Variants in PLCB1 observed in about 807,000 individuals in gnomAD.
PLCB1 encodes the protein phospholipase C beta 1, also known as 1-phosphatidylinositol 4,5-bisphosphate phosphodiesterase beta-1.
PLCB1 carries 46 observed loss-of-function variants against 161.8 expected under a neutral mutation model. The observed-to-expected ratio is 0.28, with a 90% CI of 0.22 to 0.36. The LOEUF (loss-of-function observed/expected upper bound fraction) is 0.36, where lower values mean the gene tolerates loss of function less well. Among genes scored for constraint, PLCB1 ranks in the 10% least tolerant of loss-of-function variants. PLCB1 has a pLI of 1.00. For missense variants in PLCB1, 1,016 were observed against 1,472.5 expected, an observed-to-expected ratio of 0.69 and a Z score of 5.07; for synonymous variants, 517 against 503.7, an observed-to-expected ratio of 1.03 and a Z score of -0.35.
chr20:8,836,848 C>T (rs1446729533), intron 31 of PLCB1, among the ~76,000 whole-genome samples: 1 of 152,128 alleles, frequency 6.6e-6, no homozygotes, highest in Non-Finnish European at 1.5e-5. Flanking sequence ...GATCTCAAAG[C>T]TGCTATGTCT....
intron 3 of PLCB1, among the ~76,000 whole-genome samples, chr20:8,451,810 C>T (rs985235645): frequency 4.0e-5 from 6 of 151,828 alleles, no homozygotes; most frequent in Non-Finnish European, 8.8e-5. Flanking sequence ...ATTCCTTCCT[C>T]CCTTCTTTCT....
At chr20:8,830,558 A>G (rs1452427389) in intron 31 of PLCB1, among the ~76,000 whole-genome samples, 1 of 152,236 alleles carries the variant, frequency 6.6e-6, no homozygotes, top group Middle Eastern at 3.2e-3. Context: ...TTGGTAGAAA[A>G]AGAATATTCC....
At chr20:8,613,546 A>T (rs528699801) in intron 3 of PLCB1, among the ~76,000 whole-genome samples, 130 of 152,334 alleles carry the variant, frequency 8.5e-4, no homozygotes, top group African/African-American at 3.0e-3. Flanking sequence ...CTTTCAATCC[A>T]TGTCATAAGA....
At chr20:8,864,499 A>G (rs1987359964) in intron 31 of PLCB1, among the ~76,000 whole-genome samples, 1 of 152,186 alleles carries the variant, frequency 6.6e-6, no homozygotes, top group South Asian at 2.1e-4. Flanking sequence ...AGCACCTGTC[A>G]CAGTGCTAGG....
chr20:8,250,123 C>T (rs776739716), intron 2 of PLCB1, among the ~76,000 whole-genome samples: 21 of 151,952 alleles, frequency 1.4e-4, no homozygotes, highest in Non-Finnish European at 1.3e-4. Context: ...ATCAAACACA[C>T]GAGGAGTTAT....
At chr20:8,649,344 C>G in intron 6 of PLCB1, 30 bp from the exon 7 acceptor site, 1 of 1,554,804 alleles carries the variant, frequency 6.4e-7, no homozygotes, top group Non-Finnish European at 8.9e-7. Flanking sequence ...GCCATTTAAA[C>G]CTCTCTCCTT....
chr20:8,349,837 A>G (rs1031672571), intron 2 of PLCB1, among the ~76,000 whole-genome samples: 3 of 152,172 alleles, frequency 2.0e-5, no homozygotes, highest in Non-Finnish European at 4.4e-5. Context: ...CTGTGGAAAA[A>G]GTACTGAATG....
intron 31 of PLCB1, among the ~76,000 whole-genome samples, chr20:8,843,338 T>A (rs2146292720): frequency 6.6e-6 from 1 of 152,200 alleles, no homozygotes; most frequent in East Asian, 1.9e-4. Flanking sequence ...TGTAAAGTAG[T>A]AACTATTTCA....
intron 1 of PLCB1, among the ~76,000 whole-genome samples, chr20:8,137,843 A>C (rs1568566141): frequency 6.6e-6 from 1 of 152,182 alleles, no homozygotes; most frequent in African/African-American, 2.4e-5. Context: ...AGCTATTTTT[A>C]CTTTGAATGA....
rs1160810208 is a variant in PLCB1 at position 8,136,235 on chromosome 20, T to C, written c.99+3485T>C. 2.0e-5 allele frequency among the ~76,000 whole-genome samples: 3 copies of C among 152,250 alleles called. No individual in the cohort carries two copies. The East Asian group carries it at 5.8e-4, about 29-fold the overall frequency. On this transcript the variant is annotated intron_variant, in intron 1 of 31. Coordinates refer to ENST00000338037, the MANE Select transcript of PLCB1 (RefSeq NM_015192.4). ...GTAACATGCAAATTGTAATATTTCCTAACTCAGAACAGCTGTTGAGGTTAA... is the reference window on the plus strand; with the variant it reads ...GTAACATGCAAATTGTAATATTTCCCAACTCAGAACAGCTGTTGAGGTTAA...
chr20:8,467,831 T>C (rs911725417), intron 3 of PLCB1, among the ~76,000 whole-genome samples: 1 of 152,196 alleles, frequency 6.6e-6, no homozygotes, highest in Non-Finnish European at 1.5e-5. Flanking sequence ...AGGCTTCTTA[T>C]TTAGTTGTTC....
chr20:8,861,288 A>G (rs1464740802), intron 31 of PLCB1, among the ~76,000 whole-genome samples: 1 of 152,260 alleles, frequency 6.6e-6, no homozygotes, highest in Admixed American at 6.5e-5. Context: ...ATATGTGATC[A>G]AGGCACAGGA....
In PLCB1 at chr20:8,731,629, G is replaced by A. The variant is rs187620644; in HGVS notation, c.1889-1609G>A. 1.1e-3 allele frequency among the ~76,000 whole-genome samples: 162 copies of A among 152,040 alleles called. 1 individual carries two copies. The highest frequency in any genetic ancestry group is 9.1e-3 in the East Asian group (47 of 5,186). ...ATGTCTCTTGGACATCCATTGGGAT[G>A]ATCATATGTTCATTTTTCAGACATA... On this transcript the variant is annotated intron_variant, in intron 18 of 31. Transcript: ENST00000338037.
intron 31 of PLCB1, among the ~76,000 whole-genome samples, chr20:8,863,288 T>G (rs1052593629): frequency 2.0e-5 from 3 of 152,198 alleles, no homozygotes; most frequent in African/African-American, 7.2e-5. Context: ...CACCTGCATC[T>G]GACAATAATC....
At chr20:8,656,769 G>GA (rs901573793) in intron 7 of PLCB1, among the ~76,000 whole-genome samples, 16 of 119,388 alleles carry the variant, frequency 1.3e-4, no homozygotes, top group African/African-American at 3.1e-4. Context: ...CTTAAAAAAA[G>GA]AAAAAAAAAG....
intron 7 of PLCB1, chr20:8,649,821 A>C (rs754107093): frequency 2.5e-5 from 5 of 196,218 alleles, no homozygotes; most frequent in Admixed American, 5.5e-5. Context: ...TACAGTTTCA[A>C]GTATTCTGCT....
intron 2 of PLCB1, among the ~76,000 whole-genome samples, chr20:8,228,716 A>G (rs1979839510): frequency 6.6e-6 from 1 of 151,948 alleles, no homozygotes; most frequent in Non-Finnish European, 1.5e-5. Context: ...TTGTAGAGAC[A>G]AGGTTCATGT....
chr20:8,653,622 C>T (rs1479887497), intron 7 of PLCB1: 4 of 151,968 alleles, frequency 2.6e-5, no homozygotes, highest in African/African-American at 9.7e-5. Flanking sequence ...GAGTCTGCTT[C>T]AGTGAATTAA....
In PLCB1 at chr20:8,445,473, G is replaced by C. The variant is rs530281301; in HGVS notation, c.246+74023G>C. Among the ~76,000 whole-genome samples the C allele has an allele frequency of 6.7e-3, 1,019 of 151,970 alleles. 11 individuals carry two copies. Among genetic ancestry groups the C allele is most frequent in the African/African-American group, 0.022 (915 of 41,410 alleles). On this transcript the variant is annotated intron_variant, in intron 3 of 31. Coordinates refer to ENST00000338037, the MANE Select transcript of PLCB1 (RefSeq NM_015192.4). ...AGCCTTGTAGTATAGTTTGAAGTCA[G>C]GTAGCATGATGCCTCCAGCTTTGTT...
Sources: gnomAD v4.1 joint callset for allele counts (sites outside exome capture counted in the v4.1 genomes callset) on GRCh38, gnomAD v4.1.1 for gene constraint, MANE v1.5 for transcripts, NCBI Gene and HGNC (gene_info 2026-07-23, HGNC 2026-07-21) for gene names.